Variants in PMS2 observed in about 807,000 individuals in gnomAD.
PMS2 encodes PMS1 homolog 2, mismatch repair system component, also known as mismatch repair endonuclease PMS2.
Under a neutral mutation model 90.0 loss-of-function variants are expected in PMS2, and 69 were observed. The observed-to-expected ratio is 0.77, with a 90% CI of 0.63 to 0.94. PMS2 has a LOEUF of 0.94. PMS2 is among the 40% of genes least tolerant of loss of function. PMS2 has a pLI of 0.00. For missense variants in PMS2, 966 were observed against 1,040.2 expected, an observed-to-expected ratio of 0.93 and a Z score of 0.98; for synonymous variants, 332 against 375.1, an observed-to-expected ratio of 0.89 and a Z score of 1.33.
intron 5 of PMS2, chr7:6,002,161 C>G (rs1016659817): frequency 2.9e-6 from 1 of 341,028 alleles, no homozygotes; most frequent in Admixed American, 4.4e-5. Context: ...TCCCAAGTAG[C>G]TGGAACTACA....
rs577476127 is a variant in PMS2, at chr7:5,991,767, A to G, written c.988+206T>C. 2.1e-4 allele frequency among the ~76,000 whole-genome samples: 32 copies of G among 152,082 alleles called. No individual in the cohort carries two copies. In the East Asian group the frequency reaches 5.8e-3, roughly 28 times the overall value. On this transcript the variant is annotated intron_variant, in intron 9 of 14. Transcript: ENST00000265849. ...GTCAGGAGAATCGCTTGAACCCGGG[A>G]GGCAGAGGTTGCAGTGAGCCGAGAT...
intron 9 of PMS2, among the ~76,000 whole-genome samples, chr7:5,990,509 GC>G (rs1783621112): frequency 6.6e-6 from 1 of 152,068 alleles, no homozygotes; most frequent in Non-Finnish European, 1.5e-5. Flanking sequence ...TAAAGGAAAA[GC>G]AAATAAACAC....
At chr7:5,989,354 G>A (rs528865027) in intron 10 of PMS2, among the ~76,000 whole-genome samples, 10 of 152,102 alleles carry the variant, frequency 6.6e-5, no homozygotes, top group East Asian at 1.9e-4. Context: ...TCTCTTGAAC[G>A]TGGGAGGCTT....
intron 10 of PMS2, 129 bp downstream of exon 10, chr7:5,989,671 A>C: frequency 1.4e-6 from 1 of 700,250 alleles, no homozygotes. Flanking sequence ...TGTCTCAAAA[A>C]AGAATTAAAA....
chr7:5,992,166 C>A, intron 8 of PMS2, 109 bp from the exon 9 acceptor site: 4 of 648,074 alleles, frequency 6.2e-6, no homozygotes, highest in African/African-American at 3.7e-5. Context: ...GAAGGGGATA[C>A]TTTTTTGTTT....
intron 10 of PMS2, among the ~76,000 whole-genome samples, chr7:5,989,582 GC>G (rs1783483551): frequency 6.6e-6 from 1 of 151,900 alleles, no homozygotes; most frequent in African/African-American, 2.4e-5. Flanking sequence ...CAGGAAGATG[GC>G]CTGAGCCCAG....
intron 4 of PMS2, 71 bp from the exon 5 acceptor site, chr7:6,002,707 T>C: frequency 8.5e-7 from 1 of 1,177,898 alleles, no homozygotes; most frequent in Non-Finnish European, 1.3e-6. Context: ...TACTCTTTTC[T>C]TCACTTGCTT....
chr7:6,006,635 G>C (rs1366634207), intron 1 of PMS2, among the ~76,000 whole-genome samples: 2 of 147,408 alleles, frequency 1.4e-5, no homozygotes, highest in Non-Finnish European at 3.0e-5. Flanking sequence ...CCTGGGCAAC[G>C]AGCAAAAAAA....
At chr7:5,997,499 T>G (rs1222752669) in intron 6 of PMS2, 76 bp from the exon 7 acceptor site, 1 of 872,148 alleles carries the variant, frequency 1.1e-6, no homozygotes, top group Non-Finnish European at 1.9e-6. Context: ...TCTTTCTTAG[T>G]CAAGCTATTG....
intron 5 of PMS2, among the ~76,000 whole-genome samples, chr7:6,000,935 G>A (rs1785019814): frequency 6.6e-6 from 1 of 152,160 alleles, no homozygotes; most frequent in Admixed American, 6.6e-5. Context: ...AGGTTGCAGT[G>A]AGCCGAGATC....
intron 2 of PMS2, among the ~76,000 whole-genome samples, chr7:6,004,715 C>CAAAA (rs71008347): frequency 1.0e-5 from 1 of 96,530 alleles, no homozygotes; most frequent in Non-Finnish European, 2.1e-5. Flanking sequence ...AACTCTATCT[C>CAAAA]AAAAAAAAAA....
intron 2 of PMS2, among the ~76,000 whole-genome samples, chr7:6,004,868 C>T (rs554963415): frequency 6.6e-6 from 1 of 152,206 alleles, no homozygotes; most frequent in African/African-American, 2.4e-5. Context: ...TAAAGTTATT[C>T]TGCAGATTAA....
chr7:5,982,697 A>T, intron 12 of PMS2, 127 bp downstream of exon 12: 2 of 1,369,106 alleles, frequency 1.5e-6, no homozygotes, highest in Non-Finnish European at 2.0e-6. Context: ...TTTAAAGTAG[A>T]TACAAGGTCT....
chr7:5,993,889 G>T (rs201577315), intron 8 of PMS2, among the ~76,000 whole-genome samples: 1 of 115,942 alleles, frequency 8.6e-6, no homozygotes, highest in East Asian at 2.6e-4. Flanking sequence ...AAAAAAAAAG[G>T]AAATATAGAA....
Position 5,989,891 on chromosome 7 carries a change from C to G in PMS2, c.1053G>C (p.Leu351Phe), listed in dbSNP as rs1060503145. Reference protein sequence around the residue: ...RQILLQEEKLLLAVLKTSLIG... With the variant: ...RQILLQEEKLFLAVLKTSLIG... ...TCAAAGAGGTCTTTAAAACTGCCAA[C>G]AAAAGCTTTTCCTCTTGTAGCAAAA... The change falls in exon 10 of 15, where the codon TTG (leucine) becomes TTC (phenylalanine). Residue 351 changes from leucine (L) to phenylalanine (F), a missense_variant. Coordinates refer to ENST00000265849, the MANE Select transcript of PMS2 (RefSeq NM_000535.7). 2 of 1,612,390 alleles carry G rather than the reference C, an allele frequency of 1.2e-6. No homozygotes were observed. Among genetic ancestry groups the G allele is most frequent in the Non-Finnish European group, 1.7e-6 (2 of 1,178,764 alleles).
intron 5 of PMS2, among the ~76,000 whole-genome samples, chr7:5,999,947 A>G (rs983621121): frequency 1.3e-5 from 2 of 152,210 alleles, no homozygotes; most frequent in African/African-American, 4.8e-5. Context: ...AATCTCTATG[A>G]ACAAACAGAA....
chr7:5,994,555 C>G (rs11976660), intron 8 of PMS2, among the ~76,000 whole-genome samples: 1 of 151,842 alleles, frequency 6.6e-6, no homozygotes, highest in Non-Finnish European at 1.5e-5. Context: ...GGGCGGATCA[C>G]GAGGTCAGGA....
At chr7:5,996,612 TAC>T (rs56134804) in intron 7 of PMS2, among the ~76,000 whole-genome samples, 31,938 of 128,518 alleles carry the variant, frequency 0.25, 4,216 homozygotes, top group African/African-American at 0.32. Flanking sequence ...TATATATATA[TAC>T]ACACAGATAG....
At chr7:5,997,271 A>T (rs903993957) in intron 7 of PMS2, 55 bp downstream of exon 7, 3 of 883,076 alleles carry the variant, frequency 3.4e-6, no homozygotes, top group Non-Finnish European at 5.6e-6. Flanking sequence ...CTTTAAAAAA[A>T]AAGCTCTCAG....
Sources: allele counts gnomAD v4.1 joint callset (sites outside exome capture counted in the v4.1 genomes callset), GRCh38; gene constraint gnomAD v4.1.1; transcripts MANE v1.5; gene names NCBI Gene and HGNC (gene_info 2026-07-23, HGNC 2026-07-21).